Variants in ARID4B observed in about 807,000 individuals in gnomAD.
ARID4B encodes the protein AT-rich interaction domain 4B, also known as AT-rich interactive domain-containing protein 4B.
ARID4B carries 26 observed loss-of-function variants against 147.5 expected under a neutral mutation model. That is an observed-to-expected ratio of 0.18 (90% CI 0.13 to 0.24). The LOEUF is 0.24. ARID4B is among the 10% of genes least tolerant of loss of function. The probability of loss-of-function intolerance (pLI) is 1.00; values close to 1 mark genes in which losing one functional copy is unlikely to be tolerated. For synonymous variants in ARID4B, 512 were observed against 507.9 expected (o/e 1.01, Z -0.11); for missense variants, 1,179 against 1,511.5 (o/e 0.78, Z 3.65).
chr1:235,207,818 AT>A (rs964484523), intron 17 of ARID4B, among the ~76,000 whole-genome samples: 2 of 152,232 alleles, frequency 1.3e-5, no homozygotes, highest in African/African-American at 4.8e-5. Context: ...CCCCTAACTC[AT>A]TCCCTCCTAA....
chr1:235,236,834 ATATATAT>A (rs1668605968), intron 8 of ARID4B, among the ~76,000 whole-genome samples: 1 of 21,162 alleles, frequency 4.7e-5, no homozygotes, highest in Admixed American at 8.8e-4. Flanking sequence ...TTTATAAAAA[ATATATAT>A]ATATATATAT....
rs1319578803 is a variant in ARID4B, at chr1:235,181,933, G to T, written c.2986C>A (p.Pro996Thr). 3 of 1,614,096 alleles carry T rather than the reference G, an allele frequency of 1.9e-6. No homozygotes were observed. The highest frequency in any genetic ancestry group is 2.7e-5 in the African/African-American group (2 of 75,008). Residue 996 changes from proline to threonine, a missense_variant, in exon 20 of 24, where the codon CCC (proline) becomes ACC (threonine). Around this residue, in one of 10 missense-constraint regions of ARID4B, gnomAD observed 357 missense variants for 427.3 expected, o/e 0.84. Transcript: ENST00000264183. ...ACCTCTACTGTTTTTTCTTCAATGG[G>T]TTTACTATCGACATTGACTGGAGGT... ...KPPPVNVDSK[P>T]IEEKTVEVND...
intron 16 of ARID4B, among the ~76,000 whole-genome samples, chr1:235,216,454 T>C (rs1189754011): frequency 6.6e-6 from 1 of 151,980 alleles, no homozygotes; most frequent in Non-Finnish European, 1.5e-5. Flanking sequence ...TTCAACCAAT[T>C]CTCCTGCTTC....
At chr1:235,241,504 T>C (rs978031659) in intron 7 of ARID4B, among the ~76,000 whole-genome samples, 6 of 151,664 alleles carry the variant, frequency 4.0e-5, no homozygotes, top group Non-Finnish European at 4.4e-5. Flanking sequence ...CCAATATAAA[T>C]GTAAACAAAG....
chr1:235,212,504 G>A (rs3765795), intron 17 of ARID4B, among the ~76,000 whole-genome samples: 41,880 of 152,042 alleles, frequency 0.28, 7,368 homozygotes, highest in South Asian at 0.53. Context: ...TTTCTTCCAA[G>A]CATCAGAATG....
intron 18 of ARID4B, 84 bp from the exon 19 acceptor site, chr1:235,194,295 T>C: frequency 1.0e-6 from 1 of 983,280 alleles, no homozygotes; most frequent in Non-Finnish European, 1.5e-6. Context: ...AACTCACTAT[T>C]ACAGAATATG....
chr1:235,214,887 G>A (rs1485211513), intron 16 of ARID4B, among the ~76,000 whole-genome samples: 4 of 136,636 alleles, frequency 2.9e-5, no homozygotes, highest in Non-Finnish European at 6.1e-5. Context: ...CGCCCAGGCT[G>A]GAGTGGTGCA....
Position 235,234,406 on chromosome 1 carries a change from T to C in ARID4B, c.665+7A>G. On this transcript the variant is annotated splice_region_variant and intron_variant, in intron 9 of 23. Transcript: ENST00000264183. ...CTGGTTTTTCAAACCAAGTAAATTATACTTACAATTTTCCATCTTTGAAAG... is the reference window on the plus strand; with the variant it reads ...CTGGTTTTTCAAACCAAGTAAATTACACTTACAATTTTCCATCTTTGAAAG... 6.4e-7 allele frequency: 1 copy of C among 1,569,302 alleles called. No individual in the cohort carries two copies. The highest frequency in any genetic ancestry group is 8.7e-7 in the Non-Finnish European group (1 of 1,143,470).
chr1:235,268,996 A>C, intron 2 of ARID4B, among the ~76,000 whole-genome samples: 1 of 152,220 alleles, frequency 6.6e-6, no homozygotes, highest in Admixed American at 6.5e-5. Flanking sequence ...AAGTTTGAGC[A>C]TTAAAATAAA....
At chr1:235,172,348 A>C (rs1164571015) in intron 23 of ARID4B, among the ~76,000 whole-genome samples, 1 of 152,096 alleles carries the variant, frequency 6.6e-6, no homozygotes, top group Non-Finnish European at 1.5e-5. Flanking sequence ...AGGCCAAGAC[A>C]GGTAGATCAC....
At chr1:235,299,592 CAG>C (rs1672985872) in intron 2 of ARID4B, among the ~76,000 whole-genome samples, 1 of 152,244 alleles carries the variant, frequency 6.6e-6, no homozygotes, top group Non-Finnish European at 1.5e-5. Flanking sequence ...TCTAATACAT[CAG>C]AGAGTTATTT....
At chr1:235,320,264 C>T (rs1355495295) in intron 2 of ARID4B, among the ~76,000 whole-genome samples, 1 of 152,166 alleles carries the variant, frequency 6.6e-6, no homozygotes, top group African/African-American at 2.4e-5. Context: ...GAGATCACAT[C>T]ACTGCACTCC....
At chr1:235,219,681 ATTAT>A (rs1667313559) in intron 16 of ARID4B, 108 bp downstream of exon 16, 16 of 839,798 alleles carry the variant, frequency 1.9e-5, no homozygotes, top group South Asian at 1.1e-4. Flanking sequence ...CAATCACTCT[ATTAT>A]TTAATATTTT....
chr1:235,209,481 CAACA>C (rs768647633), intron 17 of ARID4B, among the ~76,000 whole-genome samples: 43 of 149,526 alleles, frequency 2.9e-4, no homozygotes, highest in South Asian at 6.6e-4. Flanking sequence ...CAAAAACAAA[CAACA>C]AACAAACAAA....
intron 2 of ARID4B, among the ~76,000 whole-genome samples, chr1:235,272,116 G>A (rs998100865): frequency 3.9e-5 from 6 of 151,940 alleles, no homozygotes; most frequent in African/African-American, 1.5e-4. Context: ...CAAAAGAAAC[G>A]GACCCACACA....
chr1:235,195,592 C>CA (rs58536627), intron 18 of ARID4B, among the ~76,000 whole-genome samples: 1,102 of 96,416 alleles, frequency 0.011, 17 homozygotes, highest in African/African-American at 0.032. Context: ...ACTCTGTCTC[C>CA]AAAAAAAAAA....
At chr1:235,265,365 C>T (rs76556196) in intron 2 of ARID4B, among the ~76,000 whole-genome samples, 2 of 129,824 alleles carry the variant, frequency 1.5e-5, no homozygotes, top group African/African-American at 5.7e-5. Flanking sequence ...GACTCCATTT[C>T]AAAAAAAAAA....
chr1:235,311,278 A>G (rs1674028699), intron 2 of ARID4B, among the ~76,000 whole-genome samples: 1 of 151,650 alleles, frequency 6.6e-6, no homozygotes, highest in Admixed American at 6.6e-5. Flanking sequence ...GCTTGAGCCC[A>G]GAAGGTCAAG....
At chr1:235,322,157 T>A (rs1446229174) in intron 2 of ARID4B, among the ~76,000 whole-genome samples, 1 of 152,116 alleles carries the variant, frequency 6.6e-6, no homozygotes, top group Non-Finnish European at 1.5e-5. Flanking sequence ...GCCTCCCTAA[T>A]AGCTGGCATT....
Sources: allele counts gnomAD v4.1 joint callset (sites outside exome capture counted in the v4.1 genomes callset), GRCh38; gene constraint gnomAD v4.1.1; regional missense constraint gnomAD v4.1.1; transcripts MANE v1.5; gene names NCBI Gene and HGNC (gene_info 2026-07-23, HGNC 2026-07-21).